Variants in GRM5 observed in about 807,000 individuals in gnomAD.
The protein encoded by GRM5 is glutamate metabotropic receptor 5.
In GRM5, 19 loss-of-function variants were observed where a neutral mutation model predicts 83.1. The observed-to-expected ratio is 0.23, with a 90% CI of 0.16 to 0.34. GRM5 has a LOEUF of 0.34. Among genes scored for constraint, GRM5 ranks in the 10% least tolerant of loss-of-function variants. The probability of loss-of-function intolerance (pLI) is 1.00; values close to 1 mark genes in which losing one functional copy is unlikely to be tolerated. For synonymous variants in GRM5, 675 were observed against 633.6 expected (o/e 1.07, Z -0.98); for missense variants, 1,160 against 1,588.3 (o/e 0.73, Z 4.58).
chr11:89,025,806 A>T (rs2135116745), intron 2 of GRM5, among the ~76,000 whole-genome samples: 1 of 152,336 alleles, frequency 6.6e-6, no homozygotes, highest in Non-Finnish European at 1.5e-5. Context: ...CAGTACTACC[A>T]TTCAACCCAG....
At chr11:88,896,497 ATCTATCTG>A (rs1009920875) in intron 2 of GRM5, among the ~76,000 whole-genome samples, 1 of 151,602 alleles carries the variant, frequency 6.6e-6, no homozygotes, top group Non-Finnish European at 1.5e-5. Context: ...TCTATTATCT[ATCTATCTG>A]TCTATCTATT....
intron 3 of GRM5, among the ~76,000 whole-genome samples, chr11:88,688,738 A>G (rs1048853847): frequency 1.3e-5 from 2 of 152,006 alleles, no homozygotes; most frequent in Non-Finnish European, 2.9e-5. Flanking sequence ...ATTTGCTCAC[A>G]AAATTAGAAA....
At chr11:88,878,691 C>G (rs1944898954) in intron 2 of GRM5, among the ~76,000 whole-genome samples, 1 of 152,136 alleles carries the variant, frequency 6.6e-6, no homozygotes, top group African/African-American at 2.4e-5. Flanking sequence ...ATGAGACTGT[C>G]TTTTCCAACA....
intron 3 of GRM5, among the ~76,000 whole-genome samples, chr11:88,826,394 A>G (rs757450846): frequency 5.9e-5 from 9 of 151,812 alleles, no homozygotes; most frequent in Non-Finnish European, 1.2e-4. Flanking sequence ...TTTTAAAATA[A>G]AGGCCATTAT....
intron 2 of GRM5, among the ~76,000 whole-genome samples, chr11:89,018,834 A>G (rs1940917135): frequency 1.3e-5 from 2 of 152,256 alleles, no homozygotes; most frequent in South Asian, 4.1e-4. Flanking sequence ...GTAGATTTAT[A>G]GAACCACTGT....
At chr11:88,928,476 A>G (rs596888) in intron 2 of GRM5, among the ~76,000 whole-genome samples, 1 of 27,416 alleles carries the variant, frequency 3.6e-5, no homozygotes, top group Admixed American at 6.9e-4. Context: ...ATATATATAT[A>G]TATATATGTA....
At chr11:88,964,143 GA>G (rs1172355840) in intron 2 of GRM5, among the ~76,000 whole-genome samples, 2 of 152,168 alleles carry the variant, frequency 1.3e-5, no homozygotes, top group African/African-American at 4.8e-5. Flanking sequence ...AACTTAGGTT[GA>G]AAAATAATAG....
intron 8 of GRM5, among the ~76,000 whole-genome samples, 156 bp downstream of exon 8, chr11:88,566,897 C>T (rs186907991): frequency 3.3e-5 from 5 of 152,096 alleles, no homozygotes. Flanking sequence ...CCATTAACCC[C>T]ATAAATACCA....
intron 3 of GRM5, among the ~76,000 whole-genome samples, chr11:88,734,322 A>T (rs1214322580): frequency 1.3e-5 from 2 of 152,042 alleles, no homozygotes; most frequent in African/African-American, 4.8e-5. Flanking sequence ...ATTATGTTTT[A>T]AAAAGATAAG....
intron 2 of GRM5, among the ~76,000 whole-genome samples, chr11:88,945,938 A>G (rs1938269962): frequency 6.6e-6 from 1 of 152,150 alleles, no homozygotes; most frequent in South Asian, 2.1e-4. Flanking sequence ...TGATCAACCA[A>G]GTAAACAGAC....
intron 3 of GRM5, among the ~76,000 whole-genome samples, chr11:88,795,165 T>C (rs899296844): frequency 1.3e-5 from 2 of 152,168 alleles, no homozygotes; most frequent in Non-Finnish European, 1.5e-5. Context: ...CATGTAGAAG[T>C]TCTACAAATA....
chr11:89,054,689 T>C (rs1368893782), intron 1 of GRM5, among the ~76,000 whole-genome samples: 4 of 151,790 alleles, frequency 2.6e-5, no homozygotes, highest in Non-Finnish European at 4.4e-5. Flanking sequence ...GAACGATTTT[T>C]TGAATAGAAA....
At position 88,900,541 on chromosome 11, in the gene GRM5, T is replaced by C. The variant is rs527632666; in HGVS notation, c.662-50386A>G. The stretch of plus-strand genomic sequence containing the variant: ...AAAAGCATGTTGGTTAAAATGATCA[T>C]TTTGAATATCTAAATCTACACAGTC... On this transcript the variant is annotated intron_variant, in intron 2 of 9. Coordinates refer to ENST00000305447, the MANE Select transcript of GRM5 (RefSeq NM_001143831.3). Among the ~76,000 whole-genome samples the C allele has an allele frequency of 1.3e-3, 204 of 152,224 alleles. 1 individual carries two copies. Among genetic ancestry groups the C allele is most frequent in the South Asian group, 9.8e-3 (47 of 4,820 alleles).
intron 2 of GRM5, among the ~76,000 whole-genome samples, chr11:88,861,306 C>T (rs1247724855): frequency 2.0e-5 from 3 of 152,134 alleles, no homozygotes; most frequent in African/African-American, 7.2e-5. Flanking sequence ...CCAGCCATAA[C>T]AAAGGATATG....
At chr11:88,678,812 G>C (rs1443344692) in intron 3 of GRM5, among the ~76,000 whole-genome samples, 1 of 151,974 alleles carries the variant, frequency 6.6e-6, no homozygotes, top group Admixed American at 6.6e-5. Flanking sequence ...TTAACTAGGT[G>C]AAGAAATATG....
At chr11:88,816,538 CAAAAA>C (rs777360398) in intron 3 of GRM5, among the ~76,000 whole-genome samples, 3 of 69,944 alleles carry the variant, frequency 4.3e-5, no homozygotes, top group Non-Finnish European at 6.7e-5. Context: ...GACTCCATCT[CAAAAA>C]AAAAAAAAAA....
intron 2 of GRM5, among the ~76,000 whole-genome samples, chr11:88,935,249 G>A (rs1937852870): frequency 6.6e-6 from 1 of 151,760 alleles, no homozygotes; most frequent in Non-Finnish European, 1.5e-5. Flanking sequence ...CAATTTTCAG[G>A]TTAGAAAGTG....
At chr11:88,891,448 T>C (rs1006878213) in intron 2 of GRM5, among the ~76,000 whole-genome samples, 2 of 152,070 alleles carry the variant, frequency 1.3e-5, no homozygotes, top group African/African-American at 4.8e-5. Flanking sequence ...TTCTAGATTG[T>C]TCAGGGGGCC....
At chr11:88,641,870 C>T (rs1939305084) in intron 4 of GRM5, among the ~76,000 whole-genome samples, 1 of 152,176 alleles carries the variant, frequency 6.6e-6, no homozygotes, top group South Asian at 2.1e-4. Flanking sequence ...GTGACTTTTC[C>T]AAATGAAGGG....
Sources: gnomAD v4.1 joint callset for allele counts (sites outside exome capture counted in the v4.1 genomes callset) on GRCh38, gnomAD v4.1.1 for gene constraint, MANE v1.5 for transcripts, NCBI Gene and HGNC (gene_info 2026-07-23, HGNC 2026-07-21) for gene names.